Variants in LIMCH1 observed in about 807,000 individuals in gnomAD.
The protein encoded by LIMCH1 is LIM and calponin homology domains 1.
LIMCH1 carries 113 observed loss-of-function variants against 176.5 expected under a neutral mutation model. The observed-to-expected ratio is 0.64, with a 90% confidence interval of 0.55 to 0.75. The LOEUF is 0.75. Ranked by LOEUF, LIMCH1 falls within the 30% of genes least tolerant of loss-of-function variation. LIMCH1 has a pLI of 0.00. For synonymous variants in LIMCH1, 619 were observed against 645.9 expected, an observed-to-expected ratio of 0.96 and a Z score of 0.63; for missense variants, 1,674 against 1,814.9, an observed-to-expected ratio of 0.92 and a Z score of 1.41.
At chr4:41,503,931 C>G (rs1304695895) in intron 2 of LIMCH1, among the ~76,000 whole-genome samples, 4 of 152,188 alleles carry the variant, frequency 2.6e-5, no homozygotes, top group Non-Finnish European at 4.4e-5. Flanking sequence ...GCCACGTTTC[C>G]CAACTCTTCT....
intron 1 of LIMCH1, among the ~76,000 whole-genome samples, chr4:41,541,349 T>C (rs1260463218): frequency 2.0e-5 from 3 of 152,224 alleles, no homozygotes; most frequent in African/African-American, 7.2e-5. Context: ...CTCTGGGTAC[T>C]GCCGCAGCAG....
intron 2 of LIMCH1, among the ~76,000 whole-genome samples, chr4:41,521,479 T>C (rs2152402809): frequency 6.6e-6 from 1 of 152,272 alleles, no homozygotes; most frequent in Non-Finnish European, 1.5e-5. Context: ...TATCTTAACT[T>C]ATATAGGATG....
chr4:41,512,473 T>C (rs946758696), intron 2 of LIMCH1, among the ~76,000 whole-genome samples: 1 of 152,256 alleles, frequency 6.6e-6, no homozygotes, highest in Non-Finnish European at 1.5e-5. Flanking sequence ...GCAGCATTAT[T>C]CATAATAGCC....
At chr4:41,623,821 C>T (rs913787332) in intron 7 of LIMCH1, among the ~76,000 whole-genome samples, 2 of 152,078 alleles carry the variant, frequency 1.3e-5, no homozygotes, top group African/African-American at 4.8e-5. Flanking sequence ...CACAAGAGGT[C>T]AAAAACCTAG....
At chr4:41,419,588 T>TTCCTTCCTTCCTTCCG in intron 1 of LIMCH1, among the ~76,000 whole-genome samples, 1 of 86,784 alleles carries the variant, frequency 1.2e-5, no homozygotes, top group East Asian at 2.9e-4. Context: ...CCTTCCTTCC[T>TTCCTTCCTTCCTTCCG]TCCTTCCTTC....
chr4:41,546,651 A>G (rs2079453808), intron 1 of LIMCH1, among the ~76,000 whole-genome samples: 1 of 152,034 alleles, frequency 6.6e-6, no homozygotes, highest in African/African-American at 2.4e-5. Context: ...TGTTCCACTT[A>G]GCATGTTATT....
At chr4:41,660,366 G>A (rs942102160) in intron 18 of LIMCH1, among the ~76,000 whole-genome samples, 3 of 152,130 alleles carry the variant, frequency 2.0e-5, no homozygotes, top group African/African-American at 4.8e-5. Context: ...AGGAACACAA[G>A]CATTAGAGTA....
At chr4:41,642,730 C>CTTT (rs2093881054) in intron 14 of LIMCH1, among the ~76,000 whole-genome samples, 1 of 109,952 alleles carries the variant, frequency 9.1e-6, no homozygotes, top group South Asian at 3.1e-4. Flanking sequence ...AATTTTTTTT[C>CTTT]TTTTTTCTTT....
At chr4:41,644,753 A>G (rs943848203) in intron 15 of LIMCH1, 127 bp downstream of exon 15, 15 of 1,170,470 alleles carry the variant, frequency 1.3e-5, no homozygotes, top group South Asian at 1.7e-5. Flanking sequence ...TCAAAAGGTG[A>G]CACGGTAAAT....
intron 1 of LIMCH1, among the ~76,000 whole-genome samples, chr4:41,555,108 C>T (rs924986563): frequency 6.6e-5 from 10 of 151,620 alleles, no homozygotes; most frequent in Non-Finnish European, 1.2e-4. Flanking sequence ...CACATCTGCT[C>T]GAACAAGGCA....
intron 3 of LIMCH1, 33 bp downstream of exon 3, chr4:41,603,938 G>A (rs1268772560): frequency 3.8e-6 from 6 of 1,571,906 alleles, no homozygotes; most frequent in Non-Finnish European, 4.4e-6. Context: ...TTGTATCTTT[G>A]ATGGTTCAAG....
intron 1 of LIMCH1, among the ~76,000 whole-genome samples, chr4:41,560,959 G>A (rs755857947): frequency 3.9e-5 from 6 of 152,076 alleles, no homozygotes; most frequent in Non-Finnish European, 7.4e-5. Flanking sequence ...CAAGGCTGCC[G>A]TGAGCCATGA....
chr4:41,629,457 T>G (rs892928496), intron 8 of LIMCH1, 35 bp from the exon 9 acceptor site: 30 of 1,532,306 alleles, frequency 2.0e-5, no homozygotes, highest in Non-Finnish European at 2.4e-5. Flanking sequence ...AACTTGATTT[T>G]TCCATTGGTG....
At position 41,385,100 on chromosome 4, in the gene LIMCH1, C is replaced by T. The variant is rs112213926; in HGVS notation, c.96+24164C>T. Among the ~76,000 whole-genome samples, 689 of 152,308 alleles carry T rather than the reference C, an allele frequency of 4.5e-3. 13 individuals carry two copies. Among genetic ancestry groups the T allele is most frequent in the African/African-American group, 0.016 (667 of 41,558 alleles). On this transcript the variant is annotated intron_variant, in intron 1 of 26. Transcript: ENST00000313860. ...TTGTCCTCTTGAAGTTGGGAACATT[C>T]AGTTGTACTCTGAACCAGTGGATAT...
In LIMCH1 at chr4:41,629,612, C is replaced by A. The variant is rs1018953475; in HGVS notation, c.1149C>A (p.Ala383=). Residue 383 remains alanine (A), a synonymous_variant, in exon 9 of 32, where the codon GCC becomes GCA. Transcript: ENST00000503057. The stretch of plus-strand genomic sequence containing the variant: ...CAGATCTTCACAAGGATGACCTGGC[C>A]CAGCAGAGAATTCAGGGCAGCCTTG... ...KVPDLHKDDL[A]QQRIQGSLAP... is the part of the protein sequence containing the mutation. The A allele has an allele frequency of 3.3e-6, 5 of 1,535,854 alleles. No individual in the cohort carries two copies. Among genetic ancestry groups the A allele is most frequent in the Admixed American group, 2.0e-5 (1 of 50,976 alleles).
At chr4:41,482,340 G>A (rs2068794765) in intron 1 of LIMCH1, among the ~76,000 whole-genome samples, 2 of 152,196 alleles carry the variant, frequency 1.3e-5, no homozygotes, top group South Asian at 2.1e-4. Flanking sequence ...GTGGTACAGA[G>A]AGAAGAAAAG....
chr4:41,676,487 T>C (rs977990482), intron 23 of LIMCH1, 25 bp downstream of exon 23: 8 of 1,576,058 alleles, frequency 5.1e-6, no homozygotes, highest in Non-Finnish European at 7.0e-6. Flanking sequence ...GCTGCTTTTT[T>C]TGTTTTTCCT....
intron 1 of LIMCH1, among the ~76,000 whole-genome samples, chr4:41,492,182 C>T (rs1296133976): frequency 6.6e-6 from 1 of 152,180 alleles, no homozygotes; most frequent in Non-Finnish European, 1.5e-5. Flanking sequence ...GGGCAGATCA[C>T]CCGAGGCCAG....
intron 1 of LIMCH1, among the ~76,000 whole-genome samples, chr4:41,395,311 C>T (rs1289172244): frequency 3.4e-5 from 5 of 149,064 alleles, no homozygotes; most frequent in Non-Finnish European, 5.9e-5. Context: ...CGGCTCACTG[C>T]AACCTCCACC....
Sources: allele counts gnomAD v4.1 joint callset (sites outside exome capture counted in the v4.1 genomes callset), GRCh38; gene constraint gnomAD v4.1.1; transcripts MANE v1.5; gene names NCBI Gene and HGNC (gene_info 2026-07-23, HGNC 2026-07-21).